SKAP2: variants seen among roughly 807,000 people sequenced by gnomAD.
The protein encoded by SKAP2 is src kinase associated phosphoprotein 2, also known as src kinase-associated phosphoprotein 2.
SKAP2 carries 28 observed loss-of-function variants against 54.9 expected under a neutral mutation model. The ratio of observed to expected loss-of-function variants is 0.51; its 90% CI spans 0.38 to 0.70. SKAP2 has a LOEUF of 0.70. Among genes scored for constraint, SKAP2 ranks in the 30% least tolerant of loss-of-function variants. The pLI is 0.00. For missense variants in SKAP2, 356 were observed against 424.1 expected (o/e 0.84, Z 1.41); for synonymous variants, 137 against 134.3 (o/e 1.02, Z -0.14).
chr7:26,726,665 A>C, intron 7 of SKAP2: 1 of 376,440 alleles, frequency 2.7e-6, no homozygotes, highest in Non-Finnish European at 4.7e-6. Context: ...TAAATTATAT[A>C]TTCTCTTTAT....
chr7:26,695,334 C>A (rs1786872026), intron 9 of SKAP2, among the ~76,000 whole-genome samples: 1 of 152,108 alleles, frequency 6.6e-6, no homozygotes, highest in Non-Finnish European at 1.5e-5. Context: ...ATATTTATTG[C>A]TTAAATGTTC....
At chr7:26,853,885 A>C (rs1405308175) in intron 3 of SKAP2, among the ~76,000 whole-genome samples, 1 of 152,162 alleles carries the variant, frequency 6.6e-6, no homozygotes, top group East Asian at 1.9e-4. Flanking sequence ...TACTCTAAGA[A>C]ACACAAAACC....
intron 4 of SKAP2, among the ~76,000 whole-genome samples, chr7:26,773,053 A>C (rs950052144): frequency 6.6e-6 from 1 of 152,218 alleles, no homozygotes; most frequent in Admixed American, 6.5e-5. Flanking sequence ...GATGAAGATG[A>C]TATTTTCCAG....
At chr7:26,795,230 G>A (rs1356107653) in intron 4 of SKAP2, among the ~76,000 whole-genome samples, 1 of 152,094 alleles carries the variant, frequency 6.6e-6, no homozygotes, top group African/African-American at 2.4e-5. Flanking sequence ...ACTTGCAATA[G>A]GTAAACTTCA....
downstream of SKAP2, among the ~76,000 whole-genome samples, chr7:26,662,850 G>T (rs1786038045): frequency 6.6e-6 from 1 of 152,048 alleles, no homozygotes; most frequent in South Asian, 2.1e-4. Flanking sequence ...TTGACGTTGT[G>T]AACTATGTAG....
chr7:26,820,389 G>A (rs1784363585), intron 4 of SKAP2, among the ~76,000 whole-genome samples: 1 of 151,740 alleles, frequency 6.6e-6, no homozygotes, highest in African/African-American at 2.4e-5. Context: ...TGGCTTTTTT[G>A]GTCATCAAGT....
intron 4 of SKAP2, among the ~76,000 whole-genome samples, chr7:26,809,066 C>T (rs471536): frequency 0.52 from 79,201 of 151,958 alleles, 21,281 homozygotes; most frequent in East Asian, 0.86. Flanking sequence ...GGGTTAAGAT[C>T]CAAAATACAT....
At chr7:26,804,557 G>A (rs1278996285) in intron 4 of SKAP2, among the ~76,000 whole-genome samples, 1 of 151,978 alleles carries the variant, frequency 6.6e-6, no homozygotes, top group Non-Finnish European at 1.5e-5. Context: ...TGGCTAATGT[G>A]GTGAAACGCT....
At chr7:26,705,966 G>A (rs970412402) in intron 9 of SKAP2, among the ~76,000 whole-genome samples, 1 of 152,112 alleles carries the variant, frequency 6.6e-6, no homozygotes, top group South Asian at 2.1e-4. Context: ...TAAAGTAGAT[G>A]TTGCCAAAAT....
chr7:26,826,970 A>G (rs1211584864), intron 4 of SKAP2, among the ~76,000 whole-genome samples: 1 of 152,212 alleles, frequency 6.6e-6, no homozygotes, highest in Non-Finnish European at 1.5e-5. Context: ...TCCTATTTTA[A>G]GCGTATTAGG....
intron 9 of SKAP2, among the ~76,000 whole-genome samples, chr7:26,720,035 C>T (rs1787543671): frequency 6.7e-6 from 1 of 148,760 alleles, no homozygotes; most frequent in Non-Finnish European, 1.5e-5. Flanking sequence ...TTGGCCCTTA[C>T]CCACCACATA....
chr7:26,719,047 G>A (rs1787522712), intron 9 of SKAP2, among the ~76,000 whole-genome samples: 1 of 152,060 alleles, frequency 6.6e-6, no homozygotes, highest in Non-Finnish European at 1.5e-5. Flanking sequence ...AGGCATGGCA[G>A]CGCATGCCTG....
At chr7:26,741,372 C>G (rs1782442919) in intron 4 of SKAP2, among the ~76,000 whole-genome samples, 1 of 150,138 alleles carries the variant, frequency 6.7e-6, no homozygotes, top group African/African-American at 2.4e-5. Flanking sequence ...TTAAAAATAA[C>G]TGGGTGTAGT....
intron 9 of SKAP2, among the ~76,000 whole-genome samples, chr7:26,700,074 T>C (rs574736284): frequency 8.5e-4 from 130 of 152,298 alleles, no homozygotes; most frequent in Non-Finnish European, 1.5e-3. Context: ...TTTTGTTCTA[T>C]TGAGAGCAAG....
rs368961636 is a variant in SKAP2 at position 26,785,546 on chromosome 7, C to G, written c.308-45582G>C. Reference sequence around the variant, plus strand: ...TCCCTTGACATCAAAGGGCATATCACAAGAATATAAATGGAGGCCCACAGA... The same window carrying G: ...TCCCTTGACATCAAAGGGCATATCAGAAGAATATAAATGGAGGCCCACAGA... On this transcript the variant is annotated intron_variant, in intron 4 of 12. Coordinates refer to ENST00000345317, the MANE Select transcript of SKAP2 (RefSeq NM_003930.5). Among the ~76,000 whole-genome samples, 140 of 152,256 alleles carry G rather than the reference C, an allele frequency of 9.2e-4. 1 individual carries two copies. The highest frequency in any genetic ancestry group is 3.2e-3 in the African/African-American group (133 of 41,552).
At chr7:26,836,867 A>C (rs563410542) in intron 4 of SKAP2, among the ~76,000 whole-genome samples, 2 of 152,206 alleles carry the variant, frequency 1.3e-5, no homozygotes, top group Admixed American at 1.3e-4. Context: ...AAATCATTCT[A>C]CTATAAAGAT....
intron 4 of SKAP2, among the ~76,000 whole-genome samples, chr7:26,814,233 G>C (rs1364659524): frequency 1.3e-5 from 2 of 152,070 alleles, no homozygotes; most frequent in East Asian, 3.8e-4. Flanking sequence ...TGATATAATT[G>C]TTGTAAATTA....
At chr7:26,703,734 T>C (rs1787097978) in intron 9 of SKAP2, among the ~76,000 whole-genome samples, 1 of 152,162 alleles carries the variant, frequency 6.6e-6, no homozygotes, top group Admixed American at 6.5e-5. Context: ...ATTATAATAA[T>C]CTGTTTACTG....
intron 4 of SKAP2, among the ~76,000 whole-genome samples, chr7:26,807,957 T>C (rs767784551): frequency 9.9e-5 from 15 of 152,238 alleles, no homozygotes; most frequent in Non-Finnish European, 1.8e-4. Context: ...CTTAATAGAC[T>C]ACAGTATAGT....
Sources: allele counts gnomAD v4.1 joint callset (sites outside exome capture counted in the v4.1 genomes callset), GRCh38; gene constraint gnomAD v4.1.1; transcripts MANE v1.5; gene names NCBI Gene and HGNC (gene_info 2026-07-23, HGNC 2026-07-21).